The following VPS53 variants were observed in gnomAD, a reference collection of about 807,000 sequenced individuals.
VPS53 encodes vacuolar protein sorting-associated protein 53 homolog.
VPS53 carries 70 observed loss-of-function variants against 107.0 expected under a neutral mutation model. That is an observed-to-expected ratio of 0.65 (90% CI 0.54 to 0.80). VPS53 has a LOEUF of 0.80. Ranked by LOEUF, VPS53 falls within the 30% of genes least tolerant of loss-of-function variation. The pLI, the probability that VPS53 is intolerant of heterozygous loss-of-function variation, is 0.00. For missense variants in VPS53, 917 were observed against 1,049.4 expected (o/e 0.87, Z 1.74); for synonymous variants, 409 against 393.3 (o/e 1.04, Z -0.47).
chr17:586,326 G>T lies in VPS53; in HGVS notation c.1257C>A (p.Gly419=). 1 of 1,614,112 alleles carries T rather than the reference G, an allele frequency of 6.2e-7. No homozygotes were observed. Among genetic ancestry groups the T allele is most frequent in the Non-Finnish European group, 8.5e-7 (1 of 1,179,970 alleles). ...KPKAPDNPFH[G]IVSKCFEPHL... ...GAGGCTCAAAACACTTGGAAACAATGCCATGAAATGGATTGTCTGGGGCTT... is the reference window on the plus strand; with the variant it reads ...GAGGCTCAAAACACTTGGAAACAATTCCATGAAATGGATTGTCTGGGGCTT... Residue 419 remains glycine (G), a synonymous_variant, in exon 13 of 22, where the codon GGC becomes GGA. Transcript: ENST00000437048.
At chr17:533,276 T>A (rs1054892733) in intron 18 of VPS53, among the ~76,000 whole-genome samples, 12 of 152,224 alleles carry the variant, frequency 7.9e-5, no homozygotes, top group Admixed American at 6.5e-4. Context: ...ACCTGGCTAC[T>A]TTTTAATTTT....
chr17:543,934 GGAGA>G (rs1381742224), intron 17 of VPS53, among the ~76,000 whole-genome samples: 1 of 112,460 alleles, frequency 8.9e-6, no homozygotes, highest in Non-Finnish European at 1.8e-5. Flanking sequence ...GGGAAGGGAG[GGAGA>G]GAGGAAAGAA....
rs921105945 is a variant in VPS53, at chr17:511,736, C to T, written c.*7392G>A. ...TAATCTTGCTTAGTTTTTTGGGGGG[C>T]ATCATACCTAAAGAAGAAGAAGAAG... On this transcript the variant is annotated 3_prime_UTR_variant, in exon 22 of 22. Coordinates refer to ENST00000437048, the MANE Select transcript of VPS53 (RefSeq NM_001128159.3). The T allele has an allele frequency of 1.3e-5, 2 of 151,376 alleles. No homozygotes were observed. 9.4% of individuals were successfully genotyped at this position (151,376 alleles called of 1,614,324 possible).
At chr17:629,141 A>G (rs889561079) in intron 8 of VPS53, among the ~76,000 whole-genome samples, 4 of 152,148 alleles carry the variant, frequency 2.6e-5, no homozygotes, top group South Asian at 2.1e-4. Context: ...TTCCAATTCC[A>G]CCCATCTCAA....
chr17:564,737 C>A (rs1014268208), intron 13 of VPS53, among the ~76,000 whole-genome samples: 1 of 151,740 alleles, frequency 6.6e-6, no homozygotes, highest in African/African-American at 2.4e-5. Flanking sequence ...AAACAAAAAC[C>A]AAAACAGGGT....
chr17:653,486 T>G, intron 6 of VPS53, 76 bp from the exon 7 acceptor site: 2 of 1,598,616 alleles, frequency 1.3e-6, no homozygotes, highest in Non-Finnish European at 1.7e-6. Flanking sequence ...CAACCCACGC[T>G]AGCTCTCAAA....
intron 4 of VPS53, among the ~76,000 whole-genome samples, chr17:694,697 GTTTA>G (rs1294358967): frequency 6.6e-6 from 1 of 152,076 alleles, no homozygotes; most frequent in Non-Finnish European, 1.5e-5. Flanking sequence ...AAATGTTTTT[GTTTA>G]TTTATAATTA....
intron 3 of VPS53, among the ~76,000 whole-genome samples, chr17:697,902 A>G (rs1973042809): frequency 6.6e-6 from 1 of 152,204 alleles, no homozygotes; most frequent in Non-Finnish European, 1.5e-5. Context: ...AGATGGAATC[A>G]GTGCTTCCGG....
At chr17:708,206 C>T (rs559298365) in intron 2 of VPS53, among the ~76,000 whole-genome samples, 1 of 152,196 alleles carries the variant, frequency 6.6e-6, no homozygotes, top group African/African-American at 2.4e-5. Context: ...ATAGTGGCCC[C>T]GAATGCCTGG....
chr17:569,871 T>C (rs1220925957), intron 13 of VPS53, among the ~76,000 whole-genome samples: 1 of 148,182 alleles, frequency 6.7e-6, no homozygotes, highest in Non-Finnish European at 1.5e-5. Context: ...GTCACTGCAC[T>C]CCAGCCTGGG....
chr17:556,663 C>T (rs1442495837), intron 15 of VPS53, among the ~76,000 whole-genome samples: 1 of 152,078 alleles, frequency 6.6e-6, no homozygotes, highest in Non-Finnish European at 1.5e-5. Context: ...GGAGTGGGCT[C>T]TTTTATTCCT....
intron 4 of VPS53, among the ~76,000 whole-genome samples, chr17:664,533 G>C (rs940122139): frequency 7.2e-5 from 11 of 152,266 alleles, no homozygotes; most frequent in Admixed American, 5.2e-4. Context: ...AGGTGGGCAC[G>C]AGCCAGAGCA....
At chr17:613,985 C>T (rs544806387) in intron 11 of VPS53, among the ~76,000 whole-genome samples, 2 of 152,322 alleles carry the variant, frequency 1.3e-5, no homozygotes, top group South Asian at 4.1e-4. Context: ...GGGTAAGGCT[C>T]GCAGACACTG....
intron 11 of VPS53, 88 bp from the exon 12 acceptor site, chr17:601,984 C>A: frequency 1.0e-6 from 1 of 991,118 alleles, no homozygotes. Context: ...GTGTCTCCAA[C>A]AAGGAAGTCA....
At chr17:597,794 T>C (rs1276977120) in intron 12 of VPS53, among the ~76,000 whole-genome samples, 1 of 152,144 alleles carries the variant, frequency 6.6e-6, no homozygotes, top group Admixed American at 6.5e-5. Context: ...GGTTTTGAAC[T>C]CCTGACCTCA....
At chr17:652,048 G>A (rs533344012) in intron 7 of VPS53, among the ~76,000 whole-genome samples, 14 of 151,150 alleles carry the variant, frequency 9.3e-5, no homozygotes, top group Non-Finnish European at 1.8e-4. Flanking sequence ...CCAGGCTAGA[G>A]TACAATGGCA....
chr17:618,562 C>T (rs1299161960), intron 11 of VPS53, among the ~76,000 whole-genome samples: 3 of 150,300 alleles, frequency 2.0e-5, no homozygotes, highest in Non-Finnish European at 3.0e-5. Flanking sequence ...CATCAGGCCC[C>T]GCTATTATTT....
At chr17:586,206 A>C (rs1967304425) in intron 13 of VPS53, 64 bp downstream of exon 13, 2 of 1,503,042 alleles carry the variant, frequency 1.3e-6, no homozygotes, top group Non-Finnish European at 1.9e-6. Flanking sequence ...TGCGCTCCTA[A>C]GACCCAGTCA....
At chr17:686,326 GA>G (rs893284896) in intron 4 of VPS53, among the ~76,000 whole-genome samples, 3 of 149,718 alleles carry the variant, frequency 2.0e-5, no homozygotes, top group Non-Finnish European at 3.0e-5. Flanking sequence ...TCTCTAAGAA[GA>G]AAAAAAAGAA....
Sources: gnomAD v4.1 joint callset for allele counts (sites outside exome capture counted in the v4.1 genomes callset) on GRCh38, gnomAD v4.1.1 for gene constraint, MANE v1.5 for transcripts, NCBI Gene and HGNC (gene_info 2026-07-23, HGNC 2026-07-21) for gene names.